The following KNL1 variants were observed in gnomAD, a reference collection of about 807,000 sequenced individuals.
The protein encoded by KNL1 is outer kinetochore KNL1 complex subunit KNL1.
Under a neutral mutation model 201.3 loss-of-function variants are expected in KNL1, and 66 were observed. The ratio of observed to expected loss-of-function variants is 0.33; its 90% CI spans 0.27 to 0.40. The LOEUF (loss-of-function observed/expected upper bound fraction) is 0.40. Among genes scored for constraint, KNL1 ranks in the 10% least tolerant of loss-of-function variants. The probability of loss-of-function intolerance (pLI) is 1.00; values close to 1 mark genes in which losing one functional copy is unlikely to be tolerated. For missense variants in KNL1, 2,815 were observed against 2,690.5 expected (o/e 1.05, Z -1.02); for synonymous variants, 895 against 899.2 (o/e 1.00, Z 0.08).
Position 40,644,985 on chromosome 15 carries a change from T to C in KNL1, c.5799-12T>C. On this transcript the variant is annotated splice_polypyrimidine_tract_variant and intron_variant, in intron 14 of 25. Coordinates refer to ENST00000399668, the MANE Select transcript of KNL1 (RefSeq NM_144508.5). ...TTTCCCTACAGTGCTAATTAACTTT[T>C]CCGTATTTTAGATTAAAGCTTTCTG... 3.2e-6 allele frequency: 5 copies of C among 1,587,178 alleles called. No individual in the cohort carries two copies. Among genetic ancestry groups the C allele is most frequent in the Non-Finnish European group, 4.3e-6 (5 of 1,157,882 alleles).
At chr15:40,628,584 C>G (rs747592310) in intron 11 of KNL1, 27 bp from the exon 12 acceptor site, 23 of 1,484,252 alleles carry the variant, frequency 1.5e-5, no homozygotes, top group South Asian at 2.4e-5. Flanking sequence ...TTGACTTGTT[C>G]GTCACCAGAA....
intron 7 of KNL1, among the ~76,000 whole-genome samples, chr15:40,612,907 G>C (rs1451877266): frequency 6.6e-6 from 1 of 152,124 alleles, no homozygotes; most frequent in Admixed American, 6.5e-5. Flanking sequence ...AAGGCAACTT[G>C]GTAATATCGT....
At chr15:40,649,458 G>A (rs1046957986) in intron 17 of KNL1, among the ~76,000 whole-genome samples, 20 of 151,854 alleles carry the variant, frequency 1.3e-4, no homozygotes, top group African/African-American at 4.8e-4. Flanking sequence ...ACCACCCCCA[G>A]CTAATTTTTG....
chr15:40,656,167 A>G (rs1893725070), intron 22 of KNL1, among the ~76,000 whole-genome samples: 1 of 152,180 alleles, frequency 6.6e-6, no homozygotes, highest in Non-Finnish European at 1.5e-5. Flanking sequence ...GCCGTGGCTC[A>G]CACCTGTAAT....
At chr15:40,608,547 A>G (rs1892050386) in intron 4 of KNL1, among the ~76,000 whole-genome samples, 1 of 151,884 alleles carries the variant, frequency 6.6e-6, no homozygotes, top group African/African-American at 2.4e-5. Flanking sequence ...GGAGTTCGAG[A>G]CCAGCCTGAC....
chr15:40,620,890 C>T lies in KNL1; in HGVS notation c.626C>T (p.Ser209Leu). 6.3e-7 allele frequency: 1 copy of T among 1,598,032 alleles called. No individual in the cohort carries two copies. The highest frequency in any genetic ancestry group is 1.1e-5 in the South Asian group (1 of 88,688). ...TTTTCCGTGGATCAAAACACTTCTT[C>T]AGAAAATAAAATAGATTTCAATGAC... ...VNFSVDQNTSSENKIDFNDFI... is the reference protein window; with the variant it reads ...VNFSVDQNTSLENKIDFNDFI... The change falls in exon 10 of 26, where the codon TCA becomes TTA. Residue 209 changes from serine to leucine, a missense_variant. By Grantham distance (145) the Ser-to-Leu change is moderately radical. This residue lies in a region of KNL1 where 2,464 missense variants were observed against 2,291.7 expected (regional missense o/e 1.08). Coordinates refer to ENST00000399668, the MANE Select transcript of KNL1 (RefSeq NM_144508.5).
chr15:40,622,325 T>A lies in KNL1; in HGVS notation c.2061T>A (p.Asn687Lys). ...GVLDKQITNR[N>K]TVSWEQSLFS... ...TTGATAAACAAATAACTAATAGAAATACAGTATCATGGGAACAATCTTTGT... is the reference window on the plus strand; with the variant it reads ...TTGATAAACAAATAACTAATAGAAAAACAGTATCATGGGAACAATCTTTGT... The change falls in exon 10 of 26, where the codon AAT (asparagine) becomes AAA (lysine). Residue 687 changes from asparagine (N) to lysine (K), a missense_variant. Asn to Lys is a moderately conservative substitution (Grantham distance 94, BLOSUM62 0). This residue lies in a region of KNL1 where 2,464 missense variants were observed against 2,291.7 expected (regional missense o/e 1.08). Transcript: ENST00000399668. 12 of 1,613,780 alleles carry A rather than the reference T, an allele frequency of 7.4e-6. No individual in the cohort carries two copies. The highest frequency in any genetic ancestry group is 1.0e-5 in the Non-Finnish European group (12 of 1,179,766).
intron 17 of KNL1, 51 bp from the exon 18 acceptor site, chr15:40,650,250 T>G (rs768704241): frequency 2.6e-6 from 3 of 1,158,062 alleles, no homozygotes; most frequent in Admixed American, 4.4e-5. Context: ...CTTTGTTTTC[T>G]TTTTTTACTA....
chr15:40,628,842 A>G (rs1410263927), intron 12 of KNL1, among the ~76,000 whole-genome samples, 164 bp downstream of exon 12: 1 of 152,168 alleles, frequency 6.6e-6, no homozygotes, highest in Admixed American at 6.5e-5. Flanking sequence ...CAACATAACA[A>G]TTAATTAAAT....
At position 40,623,079 on chromosome 15, in the gene KNL1, A is replaced by G. The variant is rs145740834; in HGVS notation, c.2815A>G (p.Met939Val). 5.0e-6 allele frequency: 8 copies of G among 1,613,854 alleles called. No individual in the cohort carries two copies. The highest frequency in any genetic ancestry group is 6.8e-6 in the Non-Finnish European group (8 of 1,179,904). The stretch of plus-strand genomic sequence containing the variant: ...ACCAGATGAAATAACTACTAGGCCT[A>G]TGGACAAAACTGTAGTGTTTGTAGA... ...VSPDEITTRP[M>V]DKTVVFVDNH... Residue 939 changes from methionine to valine, a missense_variant, in exon 10 of 26, where the codon ATG (methionine) becomes GTG (valine). Physicochemically the swap from Met to Val is conservative, Grantham distance 21 (BLOSUM62 1). Transcript: ENST00000399668.
intron 7 of KNL1, among the ~76,000 whole-genome samples, chr15:40,612,467 G>A (rs970615894): frequency 6.6e-6 from 1 of 151,606 alleles, no homozygotes; most frequent in African/African-American, 2.4e-5. Flanking sequence ...ACTCCAACCT[G>A]GGCAGCAGAG....
intron 8 of KNL1, 112 bp from the exon 9 acceptor site, chr15:40,618,847 T>C (rs1054682544): frequency 1.6e-6 from 1 of 642,014 alleles, no homozygotes; most frequent in Non-Finnish European, 2.8e-6. Flanking sequence ...CTTAAGGGCT[T>C]AGTTACTGGT....
rs559340466 is a variant in KNL1 at position 40,642,230 on chromosome 15, G to A, written c.5798+1203G>A. Among the ~76,000 whole-genome samples the A allele has an allele frequency of 8.0e-4, 122 of 151,938 alleles. 1 individual carries two copies. Among genetic ancestry groups the A allele is most frequent in the African/African-American group, 2.8e-3 (117 of 41,474 alleles). On this transcript the variant is annotated intron_variant, in intron 14 of 25. Coordinates refer to ENST00000399668, the MANE Select transcript of KNL1 (RefSeq NM_144508.5). ...CTGGCTAACACAGTGAAACCCCGTCGCTACTAAAAATACGAAAAATTAGCC... is the reference window on the plus strand; with the variant it reads ...CTGGCTAACACAGTGAAACCCCGTCACTACTAAAAATACGAAAAATTAGCC...
At chr15:40,636,108 G>A (rs953512217) in intron 13 of KNL1, among the ~76,000 whole-genome samples, 4 of 152,218 alleles carry the variant, frequency 2.6e-5, no homozygotes, top group Non-Finnish European at 4.4e-5. Context: ...AAAGTGCTGG[G>A]ATTACAGGCG....
At chr15:40,636,131 C>G (rs1893049798) in intron 13 of KNL1, among the ~76,000 whole-genome samples, 1 of 152,254 alleles carries the variant, frequency 6.6e-6, no homozygotes, top group Non-Finnish European at 1.5e-5. Flanking sequence ...AGCCACCGCA[C>G]CCAGCTGGTT....
chr15:40,626,371 A>G (rs1015519747), intron 10 of KNL1, among the ~76,000 whole-genome samples: 2 of 144,672 alleles, frequency 1.4e-5, no homozygotes, highest in Admixed American at 7.0e-5. Context: ...GGGTTTCCCC[A>G]TGTTGGCCAG....
At chr15:40,608,770 T>C (rs372827474) in intron 4 of KNL1, 77 bp from the exon 5 acceptor site, 3 of 941,118 alleles carry the variant, frequency 3.2e-6, no homozygotes, top group South Asian at 1.6e-5. Context: ...AAGGACTTGA[T>C]CTCTGTCTAT....
intron 9 of KNL1, among the ~76,000 whole-genome samples, chr15:40,620,270 A>G (rs755726390): frequency 6.6e-6 from 1 of 151,730 alleles, no homozygotes; most frequent in Non-Finnish European, 1.5e-5. Context: ...CAGTGGTGCA[A>G]TCTCAGCTCG....
At chr15:40,657,527 C>A in intron 24 of KNL1, 54 bp downstream of exon 24, 2 of 921,600 alleles carry the variant, frequency 2.2e-6, no homozygotes, top group Non-Finnish European at 3.6e-6. Context: ...AAATTGGGTA[C>A]CTTAACAGGT....
Sources: allele counts gnomAD v4.1 joint callset (sites outside exome capture counted in the v4.1 genomes callset), GRCh38; gene constraint gnomAD v4.1.1; regional missense constraint gnomAD v4.1.1; transcripts MANE v1.5; gene names NCBI Gene and HGNC (gene_info 2026-07-23, HGNC 2026-07-21).